PTPN22: variants seen among roughly 807,000 people sequenced by gnomAD.
The protein encoded by PTPN22 is tyrosine-protein phosphatase non-receptor type 22.
PTPN22 carries 85 observed loss-of-function variants against 103.3 expected under a neutral mutation model. The ratio of observed to expected loss-of-function variants is 0.82; its 90% CI spans 0.69 to 0.99. The LOEUF (loss-of-function observed/expected upper bound fraction) is 0.99, where lower values mean the gene tolerates loss of function less well. Ranked by LOEUF, PTPN22 falls within the 50% of genes least tolerant of loss-of-function variation. The probability of loss-of-function intolerance (pLI) is 0.00; values close to 1 mark genes in which losing one functional copy is unlikely to be tolerated. For missense variants in PTPN22, 865 were observed against 936.9 expected (o/e 0.92, Z 1.00); for synonymous variants, 323 against 310.2 (o/e 1.04, Z -0.43).
chr1:113,849,249 T>C (rs1664344273), intron 10 of PTPN22, among the ~76,000 whole-genome samples: 1 of 152,134 alleles, frequency 6.6e-6, no homozygotes, highest in South Asian at 2.1e-4. Flanking sequence ...CTAATAAAGA[T>C]ACCAAAAAAA....
chr1:113,838,615 T>A, exon 12 of PTPN22: 1 of 1,613,050 alleles, frequency 6.2e-7, no homozygotes, highest in Non-Finnish European at 8.5e-7. Flanking sequence ...AATGCTTTGC[T>A]TGACTCTTTA....
chr1:113,856,707 T>C, intron 5 of PTPN22, 88 bp from the exon 6 acceptor site: 1 of 1,577,114 alleles, frequency 6.3e-7, no homozygotes, highest in African/African-American at 1.3e-5. Context: ...CAGCTCTATG[T>C]CCTTCACCTT....
At chr1:113,830,262 A>G (rs1662439998) in intron 16 of PTPN22, among the ~76,000 whole-genome samples, 1 of 152,166 alleles carries the variant, frequency 6.6e-6, no homozygotes, top group African/African-American at 2.4e-5. Flanking sequence ...GTATTCTCCC[A>G]AAGACACTGA....
At chr1:113,829,977 T>C in exon 17 of PTPN22, 1 of 1,607,206 alleles carries the variant, frequency 6.2e-7, no homozygotes, top group Non-Finnish European at 8.5e-7. Flanking sequence ...AGAAGGACTC[T>C]AGAGTTCTTT....
exon 17 of PTPN22, chr1:113,830,015 G>A (rs200154470): frequency 6.2e-7 from 1 of 1,601,206 alleles, no homozygotes; most frequent in African/African-American, 1.3e-5. Context: ...GGAGAAGAAC[G>A]ATCTTGATGT....
At chr1:113,837,247 C>G (rs1663092832) in intron 13 of PTPN22, among the ~76,000 whole-genome samples, 1 of 151,922 alleles carries the variant, frequency 6.6e-6, no homozygotes, top group East Asian at 1.9e-4. Context: ...GTCAAGAGAT[C>G]AAGACCATCC....
intron 1 of PTPN22, among the ~76,000 whole-genome samples, chr1:113,865,100 T>A (rs1666012783): frequency 6.6e-6 from 1 of 152,168 alleles, no homozygotes; most frequent in African/African-American, 2.4e-5. Context: ...TTTAAAAGGT[T>A]CTTTGGGAGG....
chr1:113,829,538 CTTTCAGTAAGGGAA>C, intron 18 of PTPN22, 40 bp downstream of exon 18: 1 of 1,007,046 alleles, frequency 9.9e-7, no homozygotes, highest in Non-Finnish European at 1.5e-6. Context: ...GAGGGGGAAA[CTTTCAGTAAGGGAA>C]AGTTTCCGGC....
chr1:113,818,622 C>A (rs892743376), intron 20 of PTPN22, among the ~76,000 whole-genome samples: 18 of 152,186 alleles, frequency 1.2e-4, no homozygotes, highest in African/African-American at 4.1e-4. Flanking sequence ...CCAATATCTT[C>A]TTTGCTTCTT....
At chr1:113,856,171 C>T (rs779123584) in intron 7 of PTPN22, among the ~76,000 whole-genome samples, 19 of 152,246 alleles carry the variant, frequency 1.2e-4, no homozygotes, top group Admixed American at 3.3e-4. Context: ...TGCACCACCA[C>T]GCCCAGCTAA....
chr1:113,858,633 C>A, intron 3 of PTPN22, 60 bp from the exon 4 acceptor site: 1 of 1,038,606 alleles, frequency 9.6e-7, no homozygotes, highest in Non-Finnish European at 1.4e-6. Context: ...CTCACCTAGT[C>A]CTCCGCTTCC....
chr1:113,846,836 T>C (rs1385632173), intron 11 of PTPN22, among the ~76,000 whole-genome samples: 1 of 152,172 alleles, frequency 6.6e-6, no homozygotes, highest in Non-Finnish European at 1.5e-5. Flanking sequence ...TCTAATTGTT[T>C]TCCTCCTACA....
chr1:113,859,848 A>C (rs1190036088), intron 1 of PTPN22, among the ~76,000 whole-genome samples: 3 of 152,074 alleles, frequency 2.0e-5, no homozygotes, highest in African/African-American at 7.2e-5. Flanking sequence ...AAGTTCTATT[A>C]GTCTTTTTAC....
In PTPN22 at chr1:113,854,906, C is replaced by T. The variant is rs762716833; in HGVS notation, c.683+1G>A. On this transcript the variant is annotated splice_donor_variant, in intron 8 of 20. Coordinates refer to ENST00000359785, the Ensembl canonical transcript of PTPN22. LOFTEE classifies it high-confidence loss of function. The stretch of plus-strand genomic sequence containing the variant: ...TAGAAGGTTTATATATAGTGTCATA[C>T]CTGCAGTGAATGCATATGGGAACAC... 1 of 1,613,066 alleles carries T rather than the reference C, an allele frequency of 6.2e-7. No individual in the cohort carries two copies. The highest frequency in any genetic ancestry group is 1.3e-5 in the African/African-American group (1 of 74,994).
chr1:113,825,012 G>T (rs1381287033), intron 19 of PTPN22, 130 bp downstream of exon 19: 17 of 437,626 alleles, frequency 3.9e-5, no homozygotes, highest in Middle Eastern at 5.4e-4. Flanking sequence ...TGATTGTTCT[G>T]ATTCATAGGA....
intron 18 of PTPN22, among the ~76,000 whole-genome samples, chr1:113,828,013 A>G (rs527831778): frequency 1.2e-4 from 18 of 152,340 alleles, no homozygotes; most frequent in Admixed American, 8.5e-4. Context: ...GAAATTGAAC[A>G]TATCAAATAT....
intron 11 of PTPN22, among the ~76,000 whole-genome samples, 188 bp downstream of exon 11, chr1:113,848,352 A>C (rs1271924287): frequency 1.3e-5 from 2 of 152,088 alleles, no homozygotes; most frequent in African/African-American, 4.8e-5. Flanking sequence ...AGTGAGATTA[A>C]TTTTTTAAGT....
intron 1 of PTPN22, among the ~76,000 whole-genome samples, chr1:113,864,934 CA>C: frequency 6.6e-6 from 1 of 151,644 alleles, no homozygotes; most frequent in Non-Finnish European, 1.5e-5. Flanking sequence ...AAAAAATTAC[CA>C]AATGTTATCT....
intron 1 of PTPN22, chr1:113,864,076 A>G: frequency 3.0e-6 from 1 of 335,622 alleles, no homozygotes; most frequent in Non-Finnish European, 5.8e-6. Context: ...GCACCATTGC[A>G]CTCTGGTCTG....
Sources: allele counts gnomAD v4.1 joint callset (sites outside exome capture counted in the v4.1 genomes callset), GRCh38; gene constraint gnomAD v4.1.1; transcripts MANE v1.5; gene names NCBI Gene and HGNC (gene_info 2026-07-23, HGNC 2026-07-21).